Variants in GCN1 observed in about 807,000 individuals in gnomAD.
GCN1 encodes the protein GCN1 activator of EIF2AK4, also known as stalled ribosome sensor GCN1.
In GCN1, 90 loss-of-function variants were observed where a neutral mutation model predicts 288.4. The observed-to-expected ratio is 0.31, with a 90% CI of 0.26 to 0.37. The LOEUF (loss-of-function observed/expected upper bound fraction) is 0.37. Among genes scored for constraint, GCN1 ranks in the 10% least tolerant of loss-of-function variants. The pLI is 1.00. For synonymous variants in GCN1, 1,386 were observed against 1,420.2 expected, an observed-to-expected ratio of 0.98 and a Z score of 0.54; for missense variants, 2,586 against 3,419.9, an observed-to-expected ratio of 0.76 and a Z score of 6.08.
chr12:120,151,185 A>G lies in GCN1; in HGVS notation c.4269T>C (p.Thr1423=). ...LKQQEMMAAL[T]DAIQDKKNFR... ...AGTTCTTCTTATCTTGGATGGCATC[A>G]GTCAGTGCCGCCATCATCTCCTGTT... The change falls in exon 34 of 58, where the codon ACT becomes ACC. Residue 1423 remains threonine, a synonymous_variant. Coordinates refer to ENST00000300648, the MANE Select transcript of GCN1 (RefSeq NM_006836.2). The G allele has an allele frequency of 6.2e-7, 1 of 1,614,084 alleles. No individual in the cohort carries two copies.
intron 5 of GCN1, among the ~76,000 whole-genome samples, chr12:120,182,348 G>C (rs1028530743): frequency 6.6e-6 from 1 of 152,034 alleles, no homozygotes; most frequent in African/African-American, 2.4e-5. Context: ...CAATTATACT[G>C]ACAGCCATTC....
At chr12:120,141,430 T>C (rs571250179) in intron 44 of GCN1, among the ~76,000 whole-genome samples, 3 of 152,216 alleles carry the variant, frequency 2.0e-5, no homozygotes, top group Admixed American at 1.3e-4. Flanking sequence ...CAAACCCTTC[T>C]TTAGAGCCAA....
Position 120,155,491 on chromosome 12 carries a change from C to G in GCN1, c.3441-61G>C. On this transcript the variant is annotated intron_variant, in intron 29 of 57. Transcript: ENST00000300648. This position sits in a 1 kb window ranked among gnomAD's most constrained non-coding sequence, Gnocchi z 4.9. ...AGATCTGCAGCACTTGCCCTGCCAG[C>G]CCAGCCCTTCTTCCCACTGGAGGCT... is the stretch of plus-strand genomic sequence containing the variant. 1 of 1,601,284 alleles carries G rather than the reference C, an allele frequency of 6.2e-7. No individual in the cohort carries two copies. The highest frequency in any genetic ancestry group is 8.5e-7 in the Non-Finnish European group (1 of 1,169,836).
At chr12:120,170,988 T>C (rs1878295867) in intron 14 of GCN1, among the ~76,000 whole-genome samples, 1 of 150,740 alleles carries the variant, frequency 6.6e-6, no homozygotes, top group Non-Finnish European at 1.5e-5. Context: ...GGTGAAACCC[T>C]GTCTTAGCCG....
chr12:120,136,427 TAC>T, intron 51 of GCN1, 73 bp downstream of exon 51: 1 of 1,135,418 alleles, frequency 8.8e-7, no homozygotes, highest in African/African-American at 1.5e-5. Context: ...GCCCTGCTGC[TAC>T]ATGACACCTT....
At position 120,137,824 on chromosome 12, in the gene GCN1, A is replaced by T; in HGVS notation, c.6394-10T>A. ...GACAATTGGCCATCTCCTGCAAACC[A>T]CAAGGGACATGTGTGCTGAGCAGGG... On this transcript the variant is annotated splice_polypyrimidine_tract_variant and intron_variant, in intron 48 of 57. Transcript: ENST00000300648. The surrounding 1 kb of genome is among the most constrained non-coding windows in gnomAD (Gnocchi z 5.2). 4 of 1,613,304 alleles carry T rather than the reference A, an allele frequency of 2.5e-6. No homozygotes were observed. The highest frequency in any genetic ancestry group is 3.4e-6 in the Non-Finnish European group (4 of 1,179,244).
chr12:120,194,565 C>G, intron 1 of GCN1, 115 bp downstream of exon 1: 1 of 1,003,744 alleles, frequency 1.0e-6, no homozygotes, highest in South Asian at 1.5e-5. Flanking sequence ...AGACTACGAC[C>G]TCCACAGCCA....
At chr12:120,131,361 A>G (rs1314226602) in intron 54 of GCN1, 28 bp from the exon 55 acceptor site, 3 of 1,611,136 alleles carry the variant, frequency 1.9e-6, no homozygotes, top group East Asian at 4.5e-5. Flanking sequence ...ACTGGGATCA[A>G]CCGGTATTTT....
chr12:120,161,956 G>A lies in GCN1; in HGVS notation c.2266C>T (p.Arg756Cys), dbSNP rs759506662. ...ITASVQNPALRLVTREEFAIM... is the reference protein window; with the variant it reads ...ITASVQNPALCLVTREEFAIM... The stretch of plus-strand genomic sequence containing the variant: ...GCAAACTCCTCCCGCGTCACCAGGC[G>A]CAGTGCAGGGTTCTGCACGGAGGCA... Residue 756 changes from arginine to cysteine, a missense_variant, in exon 21 of 58, where the codon CGC becomes TGC. Transcript: ENST00000300648. The A allele has an allele frequency of 5.3e-5, 85 of 1,613,858 alleles. No individual in the cohort carries two copies. Among genetic ancestry groups the A allele is most frequent in the Admixed American group, 8.3e-5 (5 of 60,008 alleles).
At chr12:120,168,331 C>T (rs375511361) in intron 15 of GCN1, 31 bp from the exon 16 acceptor site, 54 of 1,224,810 alleles carry the variant, frequency 4.4e-5, no homozygotes, top group Middle Eastern at 1.9e-4. Flanking sequence ...CCCCACGACG[C>T]AGCTCACCAC....
chr12:120,139,980 T>C (rs773000968), intron 45 of GCN1, among the ~76,000 whole-genome samples: 3 of 152,220 alleles, frequency 2.0e-5, no homozygotes, highest in African/African-American at 7.2e-5. Flanking sequence ...GGCCTTGCCA[T>C]TGGACTGTGG....
Position 120,153,166 on chromosome 12 carries a change from C to T in GCN1, c.4062+47G>A. The T allele has an allele frequency of 1.9e-6, 3 of 1,546,602 alleles. No individual in the cohort carries two copies. Among genetic ancestry groups the T allele is most frequent in the African/African-American group, 2.7e-5 (2 of 73,794 alleles). ...TCCCACCGCCTAACCACAGCCGGGT[C>T]CCAATTCTCTAACCGACATGTGGGT... is the stretch of plus-strand genomic sequence containing the variant. On this transcript the variant is annotated intron_variant, in intron 33 of 57. Transcript: ENST00000300648. The surrounding 1 kb of genome is among the most constrained non-coding windows in gnomAD (Gnocchi z 4.4).
At chr12:120,140,486 A>G in intron 45 of GCN1, among the ~76,000 whole-genome samples, 1 of 151,896 alleles carries the variant, frequency 6.6e-6, no homozygotes, top group East Asian at 1.9e-4. Flanking sequence ...TGCCCTACCC[A>G]CTCACACAGC....
In GCN1 at chr12:120,138,753, T is replaced by A. The variant is rs1294120248; in HGVS notation, c.6098A>T (p.His2033Leu). ...EAAAKTFEQL[H>L]STIGHQALED... The stretch of plus-strand genomic sequence containing the variant: ...CAGAGCCTGGTGGCCGATGGTGGAA[T>A]GCAGCTGCTCGAAAGTCTTGGCTGC... Residue 2033 changes from histidine to leucine, a missense_variant, in exon 46 of 58, where the codon CAT (histidine) becomes CTT (leucine). Coordinates refer to ENST00000300648, the MANE Select transcript of GCN1 (RefSeq NM_006836.2). 6.2e-7 allele frequency: 1 copy of A among 1,614,236 alleles called. No homozygotes were observed. Among genetic ancestry groups the A allele is most frequent in the Non-Finnish European group, 8.5e-7 (1 of 1,180,018 alleles).
rs768021199 is a variant in GCN1 at position 120,156,414 on chromosome 12, A to G, written c.3312+47T>C. ...TGCCCATCATGCAATTTGCACTTGC[A>G]TAGAGTGACAAGGGACACTGCAGTG... On this transcript the variant is annotated intron_variant, in intron 28 of 57. Coordinates refer to ENST00000300648, the MANE Select transcript of GCN1 (RefSeq NM_006836.2). This position sits in a 1 kb window ranked among gnomAD's most constrained non-coding sequence, Gnocchi z 5.8. 6.3e-7 allele frequency: 1 copy of G among 1,590,414 alleles called. No individual in the cohort carries two copies. The highest frequency in any genetic ancestry group is 1.3e-5 in the African/African-American group (1 of 74,628).
At position 120,127,446 on chromosome 12, in the gene GCN1, G is replaced by C. The variant is rs1876653232; in HGVS notation, c.*403C>G. ...AGCCAGACACACCACACTGGGCAGA[G>C]ATCCACCGTCTGTGCCCCACTCGGG... On this transcript the variant is annotated 3_prime_UTR_variant, in exon 58 of 58. Transcript: ENST00000300648. 5.4e-6 allele frequency: 1 copy of C among 186,800 alleles called. No homozygotes were observed. The highest frequency in any genetic ancestry group is 1.1e-5 in the Non-Finnish European group (1 of 87,920). The allele number at this position is 186,800 out of a possible 1,614,324, so 11.6% of individuals were successfully genotyped here.
intron 5 of GCN1, among the ~76,000 whole-genome samples, chr12:120,182,766 T>C (rs932818487): frequency 6.6e-6 from 1 of 151,968 alleles, no homozygotes; most frequent in African/African-American, 2.4e-5. Flanking sequence ...GGAAAAACCC[T>C]GTCTCCACTA....
At chr12:120,150,137 C>A in intron 34 of GCN1, 94 bp from the exon 35 acceptor site, 1 of 1,274,338 alleles carries the variant, frequency 7.8e-7, no homozygotes, top group East Asian at 2.4e-5. Context: ...TGCCACCTCC[C>A]ACCCCTCTGG....
rs996214494 is a variant in GCN1 at position 120,127,660 on chromosome 12, T to A, written c.*189A>T. 1.5e-6 allele frequency: 1 copy of A among 649,656 alleles called. No homozygotes were observed. Among genetic ancestry groups the A allele is most frequent in the Non-Finnish European group, 2.7e-6 (1 of 375,062 alleles). 40.2% of individuals were successfully genotyped at this position (649,656 alleles called of 1,614,324 possible). A position where few individuals can be genotyped will look rare whatever the true frequency, so the allele number is the denominator to read the frequency against. ...TCCTTCTCTTCTCCACAGGAAAAGG[T>A]GAGAGATGGAGGAGGCAATTTTCAG... On this transcript the variant is annotated 3_prime_UTR_variant, in exon 58 of 58. Transcript: ENST00000300648.
Sources: gnomAD v4.1 joint callset for allele counts (sites outside exome capture counted in the v4.1 genomes callset) on GRCh38, gnomAD v4.1.1 for gene constraint, Gnocchi (gnomAD v3.1) non-coding constraint, MANE v1.5 for transcripts, NCBI Gene and HGNC (gene_info 2026-07-23, HGNC 2026-07-21) for gene names.